Variants in SOCS7 observed in about 807,000 individuals in gnomAD.
SOCS7 encodes NAP-4.
Under a neutral mutation model 58.9 loss-of-function variants are expected in SOCS7, and 18 were observed. That is an observed-to-expected ratio of 0.31 (90% CI 0.21 to 0.45). The LOEUF is 0.45. Ranked by LOEUF, SOCS7 falls within the 20% of genes least tolerant of loss-of-function variation. The probability of loss-of-function intolerance (pLI) is 1.00; values close to 1 mark genes in which losing one functional copy is unlikely to be tolerated. For missense variants in SOCS7, 667 were observed against 837.3 expected (o/e 0.80, Z 2.51); for synonymous variants, 388 against 364.3 (o/e 1.06, Z -0.74).
chr17:38,367,588 G>C (rs1555568562), intron 5 of SOCS7, among the ~76,000 whole-genome samples: 1 of 152,098 alleles, frequency 6.6e-6, no homozygotes, highest in Non-Finnish European at 1.5e-5. Context: ...TGGCCAGGCT[G>C]GTCTCGAACT....
At chr17:38,355,192 A>G (rs1435648178) in intron 1 of SOCS7, among the ~76,000 whole-genome samples, 1 of 152,238 alleles carries the variant, frequency 6.6e-6, no homozygotes, top group Non-Finnish European at 1.5e-5. Flanking sequence ...CTCCAACATC[A>G]GCTAGGAGAT....
chr17:38,361,589 T>TG, intron 1 of SOCS7, 122 bp from the exon 2 acceptor site: 1 of 784,234 alleles, frequency 1.3e-6, no homozygotes, highest in Admixed American at 1.8e-5. Context: ...ACAAGAGTGT[T>TG]GCTGACAACG....
intron 6 of SOCS7, among the ~76,000 whole-genome samples, chr17:38,375,243 A>G (rs564973341): frequency 3.9e-5 from 6 of 152,210 alleles, no homozygotes; most frequent in South Asian, 4.2e-4. Flanking sequence ...ACATTTCCAT[A>G]AATTTATACC....
intron 9 of SOCS7, among the ~76,000 whole-genome samples, chr17:38,398,934 T>C (rs1011501740): frequency 2.0e-5 from 3 of 151,600 alleles, no homozygotes; most frequent in African/African-American, 7.3e-5. Flanking sequence ...CTACTAAAAA[T>C]ACAAAATTAG....
chr17:38,392,270 C>T (rs1192871553), intron 7 of SOCS7, among the ~76,000 whole-genome samples: 5 of 152,122 alleles, frequency 3.3e-5, no homozygotes, highest in African/African-American at 1.2e-4. Flanking sequence ...ATTAAATAGG[C>T]AAGTATATGT....
At chr17:38,386,989 G>C (rs906676405) in intron 7 of SOCS7, among the ~76,000 whole-genome samples, 2 of 148,158 alleles carry the variant, frequency 1.3e-5, no homozygotes, top group African/African-American at 2.5e-5. Context: ...GGGCAGCTGA[G>C]GCAGGAGAAT....
chr17:38,390,563 C>T (rs1000571634), intron 7 of SOCS7, among the ~76,000 whole-genome samples: 13 of 152,132 alleles, frequency 8.5e-5, no homozygotes, highest in African/African-American at 3.1e-4. Context: ...GATCCATGGA[C>T]ATAGGCTGTC....
chr17:38,392,000 A>G (rs906976741), intron 7 of SOCS7, among the ~76,000 whole-genome samples: 2 of 152,140 alleles, frequency 1.3e-5, no homozygotes, highest in African/African-American at 2.4e-5. Context: ...TGTGCCCAGG[A>G]CCTCTGGCAT....
rs921038144 is a variant in SOCS7 at position 38,380,544 on chromosome 17, C to T, written c.1681+2702C>T. On this transcript the variant is annotated intron_variant, in intron 7 of 9. Coordinates refer to ENST00000612932, the MANE Select transcript of SOCS7 (RefSeq NM_014598.4). The stretch of plus-strand genomic sequence containing the variant: ...ACTCTGGAGGCTGAGGCAGGAGAAT[C>T]GCTTAAAACCCAGGAGGCTGAGGTT... Among the ~76,000 whole-genome samples, 3 of 151,466 alleles carry T rather than the reference C, an allele frequency of 2.0e-5. No homozygotes were observed. In the East Asian group the frequency reaches 5.8e-4, roughly 29 times the overall value.
At chr17:38,376,566 T>G (rs2037933508) in intron 6 of SOCS7, among the ~76,000 whole-genome samples, 1 of 152,004 alleles carries the variant, frequency 6.6e-6, no homozygotes, top group Non-Finnish European at 1.5e-5. Flanking sequence ...ACCCTGTCTC[T>G]ACTAAAAATA....
At chr17:38,374,686 G>C (rs536197545) in intron 6 of SOCS7, among the ~76,000 whole-genome samples, 125 of 152,338 alleles carry the variant, frequency 8.2e-4, no homozygotes, top group African/African-American at 2.5e-3. Context: ...AGGGATCTTA[G>C]AGAAATTCAA....
chr17:38,387,129 G>GTGTGTATATATATATATA (rs1555570683), intron 7 of SOCS7, among the ~76,000 whole-genome samples: 3 of 64,802 alleles, frequency 4.6e-5, no homozygotes, highest in African/African-American at 2.0e-4. Flanking sequence ...ATATATATAT[G>GTGTGTATATATATATATA]TATGTATATA....
intron 7 of SOCS7, among the ~76,000 whole-genome samples, chr17:38,393,435 G>A (rs895430401): frequency 2.6e-5 from 4 of 152,142 alleles, no homozygotes; most frequent in South Asian, 2.1e-4. Flanking sequence ...TCAGGAGTTC[G>A]AAACTAGACT....
chr17:38,385,696 T>A (rs113680583), intron 7 of SOCS7, among the ~76,000 whole-genome samples: 1 of 152,110 alleles, frequency 6.6e-6, no homozygotes, highest in Non-Finnish European at 1.5e-5. Context: ...TTGAAAAAAA[T>A]TTCATGTCTT....
At chr17:38,376,529 C>T (rs1400222798) in intron 6 of SOCS7, among the ~76,000 whole-genome samples, 7 of 152,034 alleles carry the variant, frequency 4.6e-5, no homozygotes, top group East Asian at 3.9e-4. Context: ...GTCAGGAGTT[C>T]GAGGCTAGCC....
chr17:38,377,597 A>T (rs1010182885), intron 6 of SOCS7, 117 bp from the exon 7 acceptor site: 3 of 857,306 alleles, frequency 3.5e-6, no homozygotes, highest in Non-Finnish European at 5.2e-6. Context: ...CCTTTGAGCC[A>T]GCTTGCCCCC....
chr17:38,361,024 C>G (rs755355670), intron 1 of SOCS7, among the ~76,000 whole-genome samples: 2 of 152,188 alleles, frequency 1.3e-5, no homozygotes, highest in Non-Finnish European at 2.9e-5. Context: ...ACCAAAAGAT[C>G]TGGGTTTTCA....
chr17:38,401,479 C>T lies in SOCS7; in HGVS notation c.*1997C>T, dbSNP rs1459216693. On this transcript the variant is annotated 3_prime_UTR_variant, in exon 10 of 10. Transcript: ENST00000612932. ...TCTTTTTTTTGTTCCTTTTCAACCACCCATAATTTTAATATTATTTTTTAG... is the reference window on the plus strand; with the variant it reads ...TCTTTTTTTTGTTCCTTTTCAACCATCCATAATTTTAATATTATTTTTTAG... 1.3e-5 allele frequency: 2 copies of T among 152,006 alleles called. No homozygotes were observed. The highest frequency in any genetic ancestry group is 1.5e-5 in the Non-Finnish European group (1 of 68,014). 9.4% of individuals were successfully genotyped at this position (152,006 alleles called of 1,614,324 possible).
At position 38,352,790 on chromosome 17, in the gene SOCS7, G is replaced by A; in HGVS notation, c.738G>A (p.Gln246=). Residue 246 remains glutamine, a synonymous_variant, in exon 1 of 10, where the codon CAG becomes CAA. Coordinates refer to ENST00000612932, the MANE Select transcript of SOCS7 (RefSeq NM_014598.4). The surrounding 1 kb of genome is among the most constrained non-coding windows in gnomAD (Gnocchi z 5.5). ...LGRLSRGEQQ[Q]QQQQQPPPPP... is the part of the protein sequence containing the mutation. ...GCCTGAGTAGAGGGGAGCAGCAGCA[G>A]CAGCAGCAGCAGCAACCTCCCCCGC... 2 of 1,551,598 alleles carry A rather than the reference G, an allele frequency of 1.3e-6. No individual in the cohort carries two copies. Among genetic ancestry groups the A allele is most frequent in the Non-Finnish European group, 1.7e-6 (2 of 1,147,992 alleles).
Sources: gnomAD v4.1 joint callset for allele counts (sites outside exome capture counted in the v4.1 genomes callset) on GRCh38, gnomAD v4.1.1 for gene constraint, Gnocchi (gnomAD v3.1) non-coding constraint, MANE v1.5 for transcripts, NCBI Gene and HGNC (gene_info 2026-07-23, HGNC 2026-07-21) for gene names.